Variants in TAFA2 observed in about 807,000 individuals in gnomAD.
The protein encoded by TAFA2 is TAFA chemokine like family member 2, also known as chemokine-like protein TAFA-2.
Under a neutral mutation model 18.8 loss-of-function variants are expected in TAFA2, and 7 were observed. The observed-to-expected ratio is 0.37, with a 90% CI of 0.21 to 0.70. The LOEUF (loss-of-function observed/expected upper bound fraction) is 0.70. Ranked by LOEUF, TAFA2 falls within the 30% of genes least tolerant of loss-of-function variation. The pLI, the probability that TAFA2 is intolerant of heterozygous loss-of-function variation, is 0.53. For synonymous variants in TAFA2, 60 were observed against 54.2 expected, an observed-to-expected ratio of 1.11 and a Z score of -0.47; for missense variants, 122 against 158.1, an observed-to-expected ratio of 0.77 and a Z score of 1.23.
intron 1 of TAFA2, among the ~76,000 whole-genome samples, chr12:61,882,347 A>C (rs934066753): frequency 6.6e-6 from 1 of 152,208 alleles, no homozygotes; most frequent in African/African-American, 2.4e-5. Flanking sequence ...AAAACACTGG[A>C]GGAAAACAAT....
chr12:62,097,019 C>T (rs2136842630), intron 1 of TAFA2, among the ~76,000 whole-genome samples: 1 of 152,244 alleles, frequency 6.6e-6, no homozygotes, highest in East Asian at 1.9e-4. Flanking sequence ...CACCCCCTTG[C>T]TATTTCTAAT....
intron 1 of TAFA2, among the ~76,000 whole-genome samples, chr12:62,081,510 A>G (rs1270030921): frequency 1.3e-5 from 2 of 151,450 alleles, no homozygotes; most frequent in Admixed American, 6.6e-5. Context: ...TTTGATATGG[A>G]GTCTCTCTCT....
intron 1 of TAFA2, among the ~76,000 whole-genome samples, chr12:62,056,141 A>G (rs1882181926): frequency 1.3e-5 from 2 of 152,146 alleles, no homozygotes; most frequent in Admixed American, 6.6e-5. Context: ...AATGGAAATT[A>G]TACTTTTCTT....
intron 1 of TAFA2, among the ~76,000 whole-genome samples, chr12:61,969,490 G>A (rs1879172910): frequency 6.6e-6 from 1 of 151,484 alleles, no homozygotes; most frequent in African/African-American, 2.4e-5. Flanking sequence ...TAAAAATACA[G>A]GACTTCGTCT....
At chr12:61,786,389 C>T (rs1308854956) in intron 2 of TAFA2, among the ~76,000 whole-genome samples, 1 of 151,518 alleles carries the variant, frequency 6.6e-6, no homozygotes, top group Non-Finnish European at 1.5e-5. Flanking sequence ...TTCAAAAATA[C>T]CAAGCAGTCA....
chr12:62,226,016 A>C lies in TAFA2; in HGVS notation c.-130+32747T>G, dbSNP rs527348715. ...CACATAACATGCACTCCATCCTCAA[A>C]GTGTTTAGGTTTTGCCCCTCAGGTT... On this transcript the variant is annotated intron_variant, in intron 1 of 5. Transcript: ENST00000551619. 4.6e-5 allele frequency among the ~76,000 whole-genome samples: 7 copies of C among 152,276 alleles called. 1 individual carries two copies. The highest frequency in any genetic ancestry group is 4.6e-4 in the Admixed American group (7 of 15,302).
At chr12:62,142,801 G>A (rs1180407232) in intron 1 of TAFA2, among the ~76,000 whole-genome samples, 1 of 152,144 alleles carries the variant, frequency 6.6e-6, no homozygotes, top group East Asian at 1.9e-4. Context: ...AAAGCAGTGT[G>A]TCACAGATAA....
At chr12:62,246,917 C>T (rs1263584576) in intron 1 of TAFA2, among the ~76,000 whole-genome samples, 1 of 147,658 alleles carries the variant, frequency 6.8e-6, no homozygotes, top group Non-Finnish European at 1.5e-5. Context: ...CAGCTTAAGG[C>T]TGTTTTGTTT....
At chr12:61,783,546 G>T (rs1225009963) in intron 2 of TAFA2, among the ~76,000 whole-genome samples, 1 of 151,624 alleles carries the variant, frequency 6.6e-6, no homozygotes, top group East Asian at 2.0e-4. Flanking sequence ...TGAAATTAAT[G>T]AACACTACAG....
chr12:62,041,234 T>A (rs1003247975), intron 1 of TAFA2, among the ~76,000 whole-genome samples: 2 of 152,170 alleles, frequency 1.3e-5, no homozygotes, highest in Non-Finnish European at 2.9e-5. Context: ...CCACCTTTCA[T>A]CGGTCAGAAA....
At chr12:62,026,382 G>A (rs10877783) in intron 1 of TAFA2, among the ~76,000 whole-genome samples, 45,015 of 151,946 alleles carry the variant, frequency 0.3, 7,343 homozygotes, top group Middle Eastern at 0.47. Flanking sequence ...ACACAACAGG[G>A]CAAACCCATG....
chr12:61,860,458 C>T (rs150740051), intron 2 of TAFA2, among the ~76,000 whole-genome samples: 2 of 152,252 alleles, frequency 1.3e-5, no homozygotes, highest in African/African-American at 4.8e-5. Flanking sequence ...AGCTGCAAGC[C>T]AGCCCAAGAG....
intron 1 of TAFA2, among the ~76,000 whole-genome samples, chr12:62,005,489 A>G (rs1210699463): frequency 6.6e-6 from 1 of 152,122 alleles, no homozygotes; most frequent in Non-Finnish European, 1.5e-5. Context: ...TGTAAAATAG[A>G]GGAAATGCAT....
chr12:62,106,727 C>T (rs1869472645), intron 1 of TAFA2, among the ~76,000 whole-genome samples: 1 of 152,138 alleles, frequency 6.6e-6, no homozygotes, highest in Admixed American at 6.6e-5. Context: ...CAACACTCGC[C>T]CCTAACATCC....
chr12:61,879,442 G>A, intron 1 of TAFA2: 1 of 698,224 alleles, frequency 1.4e-6, no homozygotes, highest in Non-Finnish European at 2.6e-6. Context: ...CTCCCGAGTG[G>A]GCAGCAGCAG....
chr12:62,080,244 T>C (rs74982671), intron 1 of TAFA2, among the ~76,000 whole-genome samples: 8,411 of 152,320 alleles, frequency 0.055, 351 homozygotes, highest in Non-Finnish European at 0.085. Context: ...CCCACTCACT[T>C]AGAATCCCTT....
intron 2 of TAFA2, among the ~76,000 whole-genome samples, chr12:61,852,575 C>T (rs1873719798): frequency 6.6e-6 from 1 of 152,082 alleles, no homozygotes; most frequent in Non-Finnish European, 1.5e-5. Flanking sequence ...CTATCAAGTC[C>T]AAAATTAAAT....
intron 1 of TAFA2, among the ~76,000 whole-genome samples, chr12:61,976,121 TA>T (rs1374908041): frequency 2.0e-5 from 3 of 151,806 alleles, no homozygotes; most frequent in Middle Eastern, 3.4e-3. Context: ...GGCAAACCTT[TA>T]AAAAAAATCA....
intron 1 of TAFA2, among the ~76,000 whole-genome samples, chr12:62,034,752 G>A (rs575961253): frequency 6.6e-6 from 1 of 152,118 alleles, no homozygotes; most frequent in Admixed American, 6.5e-5. Context: ...TTAAACTCCT[G>A]TAAAATTATA....
Sources: gnomAD v4.1 joint callset for allele counts (sites outside exome capture counted in the v4.1 genomes callset) on GRCh38, gnomAD v4.1.1 for gene constraint, MANE v1.5 for transcripts, NCBI Gene and HGNC (gene_info 2026-07-23, HGNC 2026-07-21) for gene names.